The following FMN1 variants were observed in gnomAD, a reference collection of about 807,000 sequenced individuals.
The protein encoded by FMN1 is formin 1.
A neutral mutation model predicts 132.4 loss-of-function variants in FMN1; 110 were observed. The ratio of observed to expected loss-of-function variants is 0.83; its 90% CI spans 0.71 to 0.97. The LOEUF (loss-of-function observed/expected upper bound fraction) is 0.97, where lower values mean the gene tolerates loss of function less well. Among genes scored for constraint, FMN1 ranks in the 50% least tolerant of loss-of-function variants. The pLI, the probability that FMN1 is intolerant of heterozygous loss-of-function variation, is 0.00. For synonymous variants in FMN1, 722 were observed against 651.7 expected (o/e 1.11, Z -1.64); for missense variants, 1,792 against 1,705.3 (o/e 1.05, Z -0.90).
In FMN1 at chr15:32,822,953, C is replaced by T. The variant is rs1192049340; in HGVS notation, c.3929-18621G>A. 2.0e-5 allele frequency among the ~76,000 whole-genome samples: 3 copies of T among 152,038 alleles called. No homozygotes were observed. In the East Asian group the frequency reaches 5.8e-4, roughly 29 times the overall value. The stretch of plus-strand genomic sequence containing the variant: ...GATTCTGGACACGGAACCAATCTTG[C>T]TAGTTGAGTCTCACCATTGGGTACA... On this transcript the variant is annotated intron_variant, in intron 17 of 20. Coordinates refer to ENST00000616417, the MANE Select transcript of FMN1 (RefSeq NM_001277313.2).
chr15:32,958,022 T>G (rs756840662), intron 9 of FMN1, among the ~76,000 whole-genome samples: 2 of 152,128 alleles, frequency 1.3e-5, no homozygotes, highest in Non-Finnish European at 2.9e-5. Context: ...AGTAATAAAT[T>G]TATTTTATTA....
rs939428120 is a variant in FMN1, at chr15:33,086,972, CA to C, written c.2043+1826del. Among the ~76,000 whole-genome samples the C allele has an allele frequency of 2.6e-5, 4 of 152,298 alleles. 1 individual carries two copies. Among genetic ancestry groups the C allele is most frequent in the Admixed American group, 6.5e-5 (1 of 15,300 alleles). ...CATCACAGACTTAACCCACACTCGT[CA>C]AAAACATGGTTCCAGGTCTGAAAGT... On this transcript the variant is annotated intron_variant, in intron 5 of 20. Transcript: ENST00000616417.
At chr15:32,819,301 C>A (rs1450326025) in intron 17 of FMN1, among the ~76,000 whole-genome samples, 1 of 152,138 alleles carries the variant, frequency 6.6e-6, no homozygotes, top group Non-Finnish European at 1.5e-5. Flanking sequence ...ACTACTTCTG[C>A]TGTGTGGGAG....
chr15:33,166,854 C>T (rs563856319), intron 3 of FMN1, among the ~76,000 whole-genome samples: 2 of 152,278 alleles, frequency 1.3e-5, no homozygotes, highest in South Asian at 4.1e-4. Context: ...GTAGAAAGGG[C>T]TGTGTAACCC....
chr15:33,032,246 G>A (rs1248336506), intron 6 of FMN1, among the ~76,000 whole-genome samples: 2 of 152,118 alleles, frequency 1.3e-5, no homozygotes, highest in East Asian at 3.8e-4. Flanking sequence ...AACACTAAAC[G>A]AGTACATCAT....
At chr15:33,100,878 AT>A (rs2039267425) in intron 4 of FMN1, among the ~76,000 whole-genome samples, 1 of 152,236 alleles carries the variant, frequency 6.6e-6, no homozygotes, top group Non-Finnish European at 1.5e-5. Context: ...GGAATATTAT[AT>A]AATTATTTAA....
At chr15:33,082,751 T>A (rs2141332902) in intron 5 of FMN1, among the ~76,000 whole-genome samples, 1 of 152,272 alleles carries the variant, frequency 6.6e-6, no homozygotes, top group African/African-American at 2.4e-5. Context: ...AAATGGGCGC[T>A]CCGGGGTGAC....
intron 19 of FMN1, among the ~76,000 whole-genome samples, chr15:32,786,321 T>C (rs2056876504): frequency 6.6e-6 from 1 of 152,134 alleles, no homozygotes; most frequent in Non-Finnish European, 1.5e-5. Context: ...AAGGTTTCCG[T>C]GGTATAAAAA....
At chr15:32,958,679 A>T (rs2030132293) in intron 9 of FMN1, among the ~76,000 whole-genome samples, 1 of 152,208 alleles carries the variant, frequency 6.6e-6, no homozygotes, top group Non-Finnish European at 1.5e-5. Flanking sequence ...CAGACTCTTG[A>T]TCATTCTGTC....
At position 33,066,604 on chromosome 15, in the gene FMN1, G is replaced by C. The variant is rs200932670; in HGVS notation, c.2044-1530C>G. 2.0e-4 allele frequency: 315 copies of C among 1,613,784 alleles called. No individual in the cohort carries two copies. The East Asian group carries it at 3.3e-3, about 17-fold the overall frequency. On this transcript the variant is annotated intron_variant, in intron 5 of 20. Transcript: ENST00000616417. Reference sequence around the variant, plus strand: ...CCTTCTCATGTCTCATCTTGCGCTTGAGAGCTTCCAGCTCAGAGGTGTCAG... The same window carrying C: ...CCTTCTCATGTCTCATCTTGCGCTTCAGAGCTTCCAGCTCAGAGGTGTCAG...
intron 6 of FMN1, among the ~76,000 whole-genome samples, chr15:33,042,528 A>C (rs1054337188): frequency 7.2e-5 from 11 of 152,224 alleles, no homozygotes; most frequent in African/African-American, 2.7e-4. Context: ...CAGATTTGGC[A>C]CAATGTTTAG....
chr15:32,798,685 T>C, intron 19 of FMN1, 119 bp downstream of exon 19: 2 of 957,940 alleles, frequency 2.1e-6, no homozygotes, highest in East Asian at 2.7e-5. Flanking sequence ...CCTTCCCCTA[T>C]GACCACTTCA....
At chr15:33,035,206 T>C (rs1420042842) in intron 6 of FMN1, among the ~76,000 whole-genome samples, 4 of 152,180 alleles carry the variant, frequency 2.6e-5, no homozygotes, top group African/African-American at 9.7e-5. Flanking sequence ...AATTTTGAAA[T>C]GGCTCTAAAC....
chr15:33,082,290 C>T (rs1595432696), intron 5 of FMN1, among the ~76,000 whole-genome samples: 1 of 152,156 alleles, frequency 6.6e-6, no homozygotes, highest in Non-Finnish European at 1.5e-5. Flanking sequence ...TCAGGCTGGT[C>T]TCCAACTCCC....
chr15:32,941,040 G>A (rs1458548305), intron 9 of FMN1, among the ~76,000 whole-genome samples: 1 of 152,104 alleles, frequency 6.6e-6, no homozygotes, highest in Non-Finnish European at 1.5e-5. Flanking sequence ...CCACAGGTTA[G>A]TGCCTTATCC....
chr15:33,111,258 AT>A (rs1370514358), intron 4 of FMN1, among the ~76,000 whole-genome samples: 9 of 152,276 alleles, frequency 5.9e-5, no homozygotes, highest in African/African-American at 2.2e-4. Flanking sequence ...ATCCTTTGAA[AT>A]GCAAATCGAA....
chr15:33,017,731 T>C (rs1309138083), intron 6 of FMN1, among the ~76,000 whole-genome samples: 1 of 152,206 alleles, frequency 6.6e-6, no homozygotes, highest in Non-Finnish European at 1.5e-5. Context: ...AAGCCACTAG[T>C]TTCTTACCGC....
chr15:32,858,301 C>T (rs999604060), intron 16 of FMN1, among the ~76,000 whole-genome samples: 9 of 152,218 alleles, frequency 5.9e-5, no homozygotes, highest in Admixed American at 4.6e-4. Flanking sequence ...AAAGACACCA[C>T]TTAAATGTTC....
intron 17 of FMN1, among the ~76,000 whole-genome samples, chr15:32,835,722 G>C (rs1187508594): frequency 6.6e-6 from 1 of 152,164 alleles, no homozygotes; most frequent in Non-Finnish European, 1.5e-5. Flanking sequence ...ACACAGACAA[G>C]GAAGATTCCC....
Sources: allele counts gnomAD v4.1 joint callset (sites outside exome capture counted in the v4.1 genomes callset), GRCh38; gene constraint gnomAD v4.1.1; transcripts MANE v1.5; gene names NCBI Gene and HGNC (gene_info 2026-07-23, HGNC 2026-07-21).